MLLT1: variants seen among roughly 807,000 people sequenced by gnomAD.
MLLT1 encodes MLLT1 super elongation complex subunit.
A neutral mutation model predicts 55.1 loss-of-function variants in MLLT1; 11 were observed. That is an observed-to-expected ratio of 0.20 (90% CI 0.13 to 0.33). The LOEUF is 0.33. Among genes scored for constraint, MLLT1 ranks in the 10% least tolerant of loss-of-function variants. The pLI, the probability that MLLT1 is intolerant of heterozygous loss-of-function variation, is 1.00. For synonymous variants in MLLT1, 323 were observed against 320.1 expected, an observed-to-expected ratio of 1.01 and a Z score of -0.10; for missense variants, 536 against 760.6, an observed-to-expected ratio of 0.70 and a Z score of 3.47.
intron 3 of MLLT1, among the ~76,000 whole-genome samples, chr19:6,248,574 AC>A (rs2091188111): frequency 6.6e-6 from 1 of 152,194 alleles, no homozygotes; most frequent in Non-Finnish European, 1.5e-5. Context: ...ATAGCCACGG[AC>A]TAGCCATGAG....
Position 6,230,806 on chromosome 19 carries a change from A to T in MLLT1, c.277-93T>A, listed in dbSNP as rs1467046993. 1 of 1,491,670 alleles carries T rather than the reference A, an allele frequency of 6.7e-7. No homozygotes were observed. The highest frequency in any genetic ancestry group is 9.2e-7 in the Non-Finnish European group (1 of 1,091,312). The allele number at this position is 1,491,670 out of a possible 1,614,324, so 92.4% of individuals were successfully genotyped here. On this transcript the variant is annotated intron_variant, in intron 3 of 11. Transcript: ENST00000252674. This position sits in a 1 kb window ranked among gnomAD's most constrained non-coding sequence, Gnocchi z 9.0. The stretch of plus-strand genomic sequence containing the variant: ...TGGCCCTGGTCCTCCCCTCTCCCTC[A>T]CTGGGCCTCTGTTCCCCTCCCTCCG...
intron 3 of MLLT1, among the ~76,000 whole-genome samples, chr19:6,249,402 A>G (rs1033716055): frequency 3.3e-5 from 5 of 152,162 alleles, no homozygotes; most frequent in Non-Finnish European, 7.3e-5. Context: ...CAGGACAACA[A>G]ACAGATACAA....
In MLLT1 at chr19:6,262,416, C is replaced by G. The variant is rs544335220; in HGVS notation, c.194-106G>C. 8.4e-5 allele frequency: 74 copies of G among 885,948 alleles called. No individual in the cohort carries two copies. In the African/African-American group the frequency reaches 1.1e-3, roughly 14 times the overall value. 54.9% of individuals were successfully genotyped at this position (885,948 alleles called of 1,614,324 possible). On this transcript the variant is annotated intron_variant, in intron 2 of 11. Coordinates refer to ENST00000252674, the MANE Select transcript of MLLT1 (RefSeq NM_005934.4). The surrounding 1 kb of genome is among the most constrained non-coding windows in gnomAD (Gnocchi z 4.4). ...CAACCCCACCACCTCCTCACAGGGG[C>G]TTGGCTGGCCTCTCGGGGGTGGCTT...
intron 3 of MLLT1, among the ~76,000 whole-genome samples, chr19:6,247,780 C>T (rs1006917100): frequency 1.5e-4 from 23 of 152,192 alleles, no homozygotes; most frequent in African/African-American, 5.3e-4. Flanking sequence ...TTCAGCATCC[C>T]TAATCTGAAA....
chr19:6,246,390 C>T (rs2091168945), intron 3 of MLLT1, among the ~76,000 whole-genome samples: 1 of 152,200 alleles, frequency 6.6e-6, no homozygotes, highest in Non-Finnish European at 1.5e-5. Context: ...CACAGACGTC[C>T]TTCAACAGGT....
rs1034199201 is a variant in MLLT1 at position 6,229,785 on chromosome 19, A to G, written c.420+785T>C. On this transcript the variant is annotated intron_variant, in intron 4 of 11. Transcript: ENST00000252674. This position sits in a 1 kb window ranked among gnomAD's most constrained non-coding sequence, Gnocchi z 5.2. ...CACATACACACGACACACACCCCAT[A>G]CCACACATGCCACTCACACCATACA... Among the ~76,000 whole-genome samples the G allele has an allele frequency of 2.7e-5, 4 of 150,932 alleles. No homozygotes were observed. The highest frequency in any genetic ancestry group is 9.8e-5 in the African/African-American group (4 of 40,976).
Position 6,212,073 on chromosome 19 carries a change from A to T in MLLT1, c.*969T>A. 11 of 1,066,050 alleles carry T rather than the reference A, an allele frequency of 1.0e-5. No individual in the cohort carries two copies. Among genetic ancestry groups the T allele is most frequent in the Non-Finnish European group, 1.1e-5 (10 of 879,446 alleles). 66.0% of individuals were successfully genotyped at this position (1,066,050 alleles called of 1,614,324 possible). A position where few individuals can be genotyped will look rare whatever the true frequency, so the allele number is the denominator to read the frequency against. On this transcript the variant is annotated 3_prime_UTR_variant, in exon 12 of 12. Coordinates refer to ENST00000252674, the MANE Select transcript of MLLT1 (RefSeq NM_005934.4). The stretch of plus-strand genomic sequence containing the variant: ...TTTGGCAAAAGCTCATATTTTTTTC[A>T]AAGTTTGAAGACTTGAATGAAAGAG...
At position 6,214,005 on chromosome 19, in the gene MLLT1, G is replaced by A. The variant is rs370013616; in HGVS notation, c.1341C>T (p.Ser447=). The A allele has an allele frequency of 2.3e-5, 33 of 1,454,462 alleles. No homozygotes were observed. The African/African-American group carries it at 4.0e-4, about 18-fold the overall frequency. 90.1% of individuals were successfully genotyped at this position (1,454,462 alleles called of 1,614,324 possible). ...LSFSDSESDN[S]ADSSLPSREP... ...CACGGCTGGGCAGGGAGGAGTCGGC[G>A]CTGTTGTCACTCTCGCTGTCGCTGA... The change falls in exon 9 of 12, where the codon AGC becomes AGT. Residue 447 remains serine (S), a synonymous_variant. Coordinates refer to ENST00000252674, the MANE Select transcript of MLLT1 (RefSeq NM_005934.4).
chr19:6,215,300 G>A (rs771828348), intron 8 of MLLT1, among the ~76,000 whole-genome samples: 10 of 152,218 alleles, frequency 6.6e-5, no homozygotes, highest in South Asian at 2.1e-4. Flanking sequence ...CGAACCTTCC[G>A]TCAGCCTCTC....
At position 6,231,975 on chromosome 19, in the gene MLLT1, G is replaced by A. The variant is rs1023780520; in HGVS notation, c.277-1262C>T. Among the ~76,000 whole-genome samples, 2 of 152,064 alleles carry A rather than the reference G, an allele frequency of 1.3e-5. No individual in the cohort carries two copies. The highest frequency in any genetic ancestry group is 2.4e-5 in the African/African-American group (1 of 41,404). ...GCATGGGCCGGGCGCGGTGGCTCAC[G>A]CCTGTAACCCAGAACTCTGGGAGGT... On this transcript the variant is annotated intron_variant, in intron 3 of 11. Transcript: ENST00000252674. This position sits in a 1 kb window ranked among gnomAD's most constrained non-coding sequence, Gnocchi z 5.1.
intron 3 of MLLT1, chr19:6,259,799 TAAAAAAA>T (rs60832951): frequency 1.4e-5 from 1 of 70,110 alleles, no homozygotes; most frequent in African/African-American, 7.1e-5. Flanking sequence ...AAACATGACT[TAAAAAAA>T]AAAAAAAAAA....
At chr19:6,250,664 T>C (rs1199846263) in intron 3 of MLLT1, among the ~76,000 whole-genome samples, 1 of 152,178 alleles carries the variant, frequency 6.6e-6, no homozygotes, top group East Asian at 1.9e-4. Flanking sequence ...TAGAACTCTG[T>C]GGATTTTTTT....
At chr19:6,259,017 C>CTTA (rs2091281317) in intron 3 of MLLT1, 1 of 152,254 alleles carries the variant, frequency 6.6e-6, no homozygotes, top group Non-Finnish European at 1.5e-5. Context: ...CAGCCAGAAA[C>CTTA]CCCATCTTAT....
chr19:6,255,742 T>C (rs1600207050), intron 3 of MLLT1, among the ~76,000 whole-genome samples: 1 of 152,314 alleles, frequency 6.6e-6, no homozygotes, highest in East Asian at 1.9e-4. Context: ...CAAGTTCATA[T>C]GGAATCACAA....
In MLLT1 at chr19:6,266,286, A is replaced by C. The variant is rs2091348857; in HGVS notation, c.194-3976T>G. ...ATGAGATTCTGTCTCCAAAAAAAAA[A>C]AAAAAAAAAAAGTTTTGGATTTCGG... On this transcript the variant is annotated intron_variant, in intron 2 of 11. Transcript: ENST00000252674. Among the ~76,000 whole-genome samples, 3 of 151,878 alleles carry C rather than the reference A, an allele frequency of 2.0e-5. No homozygotes were observed. The South Asian group carries it at 6.2e-4, about 32-fold the overall frequency.
At chr19:6,220,424 C>T (rs2090887013) in intron 6 of MLLT1, among the ~76,000 whole-genome samples, 1 of 152,262 alleles carries the variant, frequency 6.6e-6, no homozygotes, top group Non-Finnish European at 1.5e-5. Flanking sequence ...CGCTCTTCTT[C>T]GGCCAGGAGG....
At position 6,270,698 on chromosome 19, in the gene MLLT1, G is replaced by A. The variant is rs936348143; in HGVS notation, c.74C>T (p.Thr25Met). ...HRAQLRKKPTTEGFTHDWMVF... is the reference protein window; with the variant it reads ...HRAQLRKKPTMEGFTHDWMVF... The stretch of plus-strand genomic sequence containing the variant: ...CATCCAGTCGTGAGTGAACCCCTCC[G>A]TGGTGGGCTTCTTGCGCAGTTGGGC... The change falls in exon 2 of 12, where the codon ACG becomes ATG. Residue 25 changes from threonine (T) to methionine (M), a missense_variant. Physicochemically the swap from Thr to Met is moderately conservative, Grantham distance 81. Coordinates refer to ENST00000252674, the MANE Select transcript of MLLT1 (RefSeq NM_005934.4). This position sits in a 1 kb window ranked among gnomAD's most constrained non-coding sequence, Gnocchi z 7.1. The A allele has an allele frequency of 6.8e-6, 11 of 1,613,942 alleles. No individual in the cohort carries two copies. The highest frequency in any genetic ancestry group is 4.5e-5 in the East Asian group (2 of 44,864).
At position 6,212,162 on chromosome 19, in the gene MLLT1, G is replaced by C; in HGVS notation, c.*880C>G. On this transcript the variant is annotated 3_prime_UTR_variant, in exon 12 of 12. Transcript: ENST00000252674. ...CGGCTGATGCGAGTCTGTCCGCGGA[G>C]ACTGTTGGCGCTAGTCTGAGTAGAG... is the stretch of plus-strand genomic sequence containing the variant. 1.9e-6 allele frequency: 2 copies of C among 1,066,608 alleles called. No individual in the cohort carries two copies. Among genetic ancestry groups the C allele is most frequent in the Non-Finnish European group, 2.3e-6 (2 of 879,776 alleles). 66.1% of individuals were successfully genotyped at this position (1,066,608 alleles called of 1,614,324 possible).
At chr19:6,233,968 G>A (rs1189211497) in intron 3 of MLLT1, among the ~76,000 whole-genome samples, 2 of 152,208 alleles carry the variant, frequency 1.3e-5, no homozygotes, top group African/African-American at 4.8e-5. Flanking sequence ...CTTCCCCCGA[G>A]GTACGCAGCT....
Sources: allele counts gnomAD v4.1 joint callset (sites outside exome capture counted in the v4.1 genomes callset), GRCh38; gene constraint gnomAD v4.1.1; non-coding constraint Gnocchi (gnomAD v3.1); transcripts MANE v1.5; gene names NCBI Gene and HGNC (gene_info 2026-07-23, HGNC 2026-07-21).